TCTN2: variants seen among roughly 807,000 people sequenced by gnomAD.
The protein encoded by TCTN2 is tectonic-2.
A neutral mutation model predicts 83.4 loss-of-function variants in TCTN2; 66 were observed. The observed-to-expected ratio is 0.79, with a 90% CI of 0.65 to 0.97. TCTN2 has a LOEUF of 0.97. Among genes scored for constraint, TCTN2 ranks in the 50% least tolerant of loss-of-function variants. The pLI, the probability that TCTN2 is intolerant of heterozygous loss-of-function variation, is 0.00. For synonymous variants in TCTN2, 301 were observed against 326.7 expected (o/e 0.92, Z 0.85); for missense variants, 794 against 858.1 (o/e 0.93, Z 0.93).
chr12:123,672,036 T>A lies in TCTN2; in HGVS notation c.191-20T>A. The A allele has an allele frequency of 6.2e-7, 1 of 1,612,304 alleles. No homozygotes were observed. The highest frequency in any genetic ancestry group is 8.5e-7 in the Non-Finnish European group (1 of 1,178,414). The stretch of plus-strand genomic sequence containing the variant: ...GCTGCTGGACCTTGCTGCCTTTGCA[T>A]GCTGGTCTTCTTTCTTTAGGAATAT... On this transcript the variant is annotated intron_variant, in intron 2 of 17. Transcript: ENST00000303372.
At chr12:123,678,920 T>G (rs548452300) in intron 4 of TCTN2, among the ~76,000 whole-genome samples, 1 of 151,676 alleles carries the variant, frequency 6.6e-6, no homozygotes, top group African/African-American at 2.4e-5. Flanking sequence ...GTCTCAGCCT[T>G]CCAAGTAGCT....
chr12:123,699,558 G>C, intron 13 of TCTN2, 146 bp from the exon 14 acceptor site: 1 of 718,634 alleles, frequency 1.4e-6, no homozygotes, highest in Non-Finnish European at 2.5e-6. Context: ...CCTAGTCCAT[G>C]GGTGACACCC....
intron 13 of TCTN2, among the ~76,000 whole-genome samples, chr12:123,697,665 ATTTT>A (rs1169509703): frequency 6.6e-6 from 1 of 151,384 alleles, no homozygotes; most frequent in Admixed American, 6.6e-5. Context: ...ACGCCTGCTG[ATTTT>A]TTTTGTATTT....
Position 123,673,696 on chromosome 12 carries a change from C to T in TCTN2, c.349C>T (p.Pro117Ser), listed in dbSNP as rs148783076. 1.4e-5 allele frequency: 23 copies of T among 1,614,192 alleles called. No individual in the cohort carries two copies. In the African/African-American group the frequency reaches 1.9e-4, roughly 13 times the overall value. Residue 117 changes from proline to serine, a missense_variant, in exon 4 of 18, where the codon CCC becomes TCC. Physicochemically the swap from Pro to Ser is moderately conservative, Grantham distance 74. Coordinates refer to ENST00000303372, the MANE Select transcript of TCTN2 (RefSeq NM_024809.5). ...SNETDSFSES[P>S]CILQTLLVSA... is the part of the protein sequence containing the mutation. The stretch of plus-strand genomic sequence containing the variant: ...TGAGACAGATTCCTTCTCAGAGTCC[C>T]CCTGTATCCTCCAGACCCTTCTGGT...
chr12:123,690,817 T>G, intron 8 of TCTN2, 143 bp downstream of exon 8: 1 of 953,228 alleles, frequency 1.0e-6, no homozygotes, highest in Non-Finnish European at 1.6e-6. Flanking sequence ...AAAGTTTAGT[T>G]CCGTAAGACA....
At chr12:123,681,530 G>A (rs1955899762) in intron 5 of TCTN2, among the ~76,000 whole-genome samples, 1 of 152,214 alleles carries the variant, frequency 6.6e-6, no homozygotes, top group South Asian at 2.1e-4. Flanking sequence ...CACTTAGCAT[G>A]ATGCTTTTAA....
At chr12:123,678,762 A>T (rs971167151) in intron 4 of TCTN2, among the ~76,000 whole-genome samples, 2 of 149,884 alleles carry the variant, frequency 1.3e-5, no homozygotes, top group African/African-American at 4.9e-5. Context: ...AATGTCAAAT[A>T]TTTGGTAATA....
Position 123,708,125 on chromosome 12 carries a change from T to C in TCTN2, c.*412T>C, listed in dbSNP as rs112525270. 9,667 of 227,918 alleles carry C rather than the reference T, an allele frequency of 0.042. 466 individuals carry two copies. Among genetic ancestry groups the C allele is most frequent in the African/African-American group, 0.14 (5,592 of 41,268 alleles). 14.1% of individuals were successfully genotyped at this position (227,918 alleles called of 1,614,324 possible). A position where few individuals can be genotyped will look rare whatever the true frequency, so the allele number is the denominator to read the frequency against. ...CAAGCAATCCTCCCACCTCAGCCTC[T>C]GGTGTAGCTGGGACCACAGATGCTC... On this transcript the variant is annotated 3_prime_UTR_variant, in exon 18 of 18. Coordinates refer to ENST00000303372, the MANE Select transcript of TCTN2 (RefSeq NM_024809.5).
In TCTN2 at chr12:123,697,138, A is replaced by G. The variant is rs1305099981; in HGVS notation, c.1445A>G (p.Glu482Gly). 1 of 1,614,090 alleles carries G rather than the reference A, an allele frequency of 6.2e-7. No individual in the cohort carries two copies. The highest frequency in any genetic ancestry group is 8.5e-7 in the Non-Finnish European group (1 of 1,179,992). Residue 482 changes from glutamate (E) to glycine (G), a missense_variant, in exon 13 of 18, where the codon GAA becomes GGA. Glu to Gly is a moderately conservative substitution (Grantham distance 98). Transcript: ENST00000303372. ...ACTTTCAAACCCATTTTATTTGGAG[A>G]AAATGTACTCTCTGGATGCCTGTTA... ...SATFKPILFG[E>G]NVLSGCLLEV...
intron 4 of TCTN2, among the ~76,000 whole-genome samples, chr12:123,677,333 A>G (rs1955836248): frequency 6.6e-6 from 1 of 152,226 alleles, no homozygotes; most frequent in Non-Finnish European, 1.5e-5. Context: ...ATGTTACAGG[A>G]TAGAACAGAT....
Position 123,673,903 on chromosome 12 carries a change from T to C in TCTN2, c.463+93T>C, listed in dbSNP as rs7953596. 0.36 allele frequency: 455,813 copies of C among 1,255,588 alleles called. 86,534 individuals carry two copies. The highest frequency in any genetic ancestry group is 0.41 in the African/African-American group (27,837 of 67,826). The allele number at this position is 1,255,588 out of a possible 1,614,324, so 77.8% of individuals were successfully genotyped here. ...GGATTGCTTGAGCCCGGGAGGTTGA[T>C]GCTATAAATGAGCTGCCCGGGAGGT... is the stretch of plus-strand genomic sequence containing the variant. On this transcript the variant is annotated intron_variant, in intron 4 of 17. Transcript: ENST00000303372.
Position 123,707,741 on chromosome 12 carries a change from G to A in TCTN2, c.*28G>A. 6.3e-7 allele frequency: 1 copy of A among 1,582,682 alleles called. No individual in the cohort carries two copies. Among genetic ancestry groups the A allele is most frequent in the South Asian group, 1.1e-5 (1 of 90,356 alleles). On this transcript the variant is annotated 3_prime_UTR_variant, in exon 18 of 18. Coordinates refer to ENST00000303372, the MANE Select transcript of TCTN2 (RefSeq NM_024809.5). ...AACCACCTGGCTTTTATTTTTTTGA[G>A]ATGGAGTTTTGCTCTTGTTGCCCAG...
intron 13 of TCTN2, among the ~76,000 whole-genome samples, chr12:123,697,501 G>T (rs1275435562): frequency 1.3e-5 from 2 of 152,068 alleles, no homozygotes; most frequent in African/African-American, 4.8e-5. Context: ...TGTTGTTGTT[G>T]TGTGGTTTTT....
At chr12:123,704,973 A>G (rs1031163731) in intron 15 of TCTN2, among the ~76,000 whole-genome samples, 1 of 152,096 alleles carries the variant, frequency 6.6e-6, no homozygotes, top group Non-Finnish European at 1.5e-5. Flanking sequence ...TTTGAAATCC[A>G]TGGATGTAAC....
At chr12:123,698,930 C>G (rs746014770) in intron 13 of TCTN2, among the ~76,000 whole-genome samples, 2 of 152,122 alleles carry the variant, frequency 1.3e-5, no homozygotes, top group Non-Finnish European at 2.9e-5. Flanking sequence ...TTTGTACCCT[C>G]CAGTGACAGT....
chr12:123,689,962 G>C (rs185645131), intron 7 of TCTN2, among the ~76,000 whole-genome samples: 7 of 151,884 alleles, frequency 4.6e-5, no homozygotes, highest in Non-Finnish European at 7.4e-5. Context: ...CATTATACCC[G>C]GTTAATTTTT....
intron 15 of TCTN2, among the ~76,000 whole-genome samples, chr12:123,705,165 T>TC (rs1312111499): frequency 6.0e-5 from 9 of 149,532 alleles, no homozygotes; most frequent in Non-Finnish European, 1.0e-4. Context: ...CCATCAGTTT[T>TC]TTTTTTTTTT....
chr12:123,707,372 G>C, intron 17 of TCTN2: 1 of 629,086 alleles, frequency 1.6e-6, no homozygotes, highest in Non-Finnish European at 2.8e-6. Flanking sequence ...TCAGCCTTTG[G>C]AGTAGCTGGG....
At chr12:123,707,201 C>A in intron 17 of TCTN2, 128 bp downstream of exon 17, 1 of 820,430 alleles carries the variant, frequency 1.2e-6, no homozygotes, top group South Asian at 1.5e-5. Context: ...GATAATATTG[C>A]CACTTGGAAG....
Sources: gnomAD v4.1 joint callset for allele counts (sites outside exome capture counted in the v4.1 genomes callset) on GRCh38, gnomAD v4.1.1 for gene constraint, MANE v1.5 for transcripts, NCBI Gene and HGNC (gene_info 2026-07-23, HGNC 2026-07-21) for gene names.